The following SRGAP2B variants were observed in gnomAD, a reference collection of about 807,000 sequenced individuals.
SRGAP2B encodes the protein SLIT-ROBO Rho GTPase activating protein 2B, also known as SLIT-ROBO Rho GTPase-activating protein 2B.
Under a neutral mutation model 22.2 loss-of-function variants are expected in SRGAP2B, and 9 were observed. The observed-to-expected ratio is 0.41, with a 90% confidence interval of 0.24 to 0.71. SRGAP2B has a LOEUF of 0.71. Among genes scored for constraint, SRGAP2B ranks in the 30% least tolerant of loss-of-function variants. SRGAP2B has a pLI of 0.35. For missense variants in SRGAP2B, 114 were observed against 235.8 expected (o/e 0.48, Z 3.38); for synonymous variants, 36 against 87.4 (o/e 0.41, Z 3.28).
chr1:144,985,113 C>G (rs587620443), intron 3 of SRGAP2B, among the ~76,000 whole-genome samples: 1,362 of 128,154 alleles, frequency 0.011, 9 homozygotes, highest in Non-Finnish European at 0.015. Flanking sequence ...ATACTTAGTA[C>G]TTACTACATA....
At chr1:144,941,437 T>C (rs1253145023) in intron 4 of SRGAP2B, among the ~76,000 whole-genome samples, 1 of 142,948 alleles carries the variant, frequency 7.0e-6, no homozygotes, top group African/African-American at 2.7e-5. Flanking sequence ...AGTTTCATAT[T>C]GAGTAAATGC....
At chr1:144,931,344 C>T (rs1428771809) in intron 4 of SRGAP2B, among the ~76,000 whole-genome samples, 1 of 149,622 alleles carries the variant, frequency 6.7e-6, no homozygotes, top group Non-Finnish European at 1.5e-5. Flanking sequence ...TCCTTCAATG[C>T]TATTTTGTCT....
chr1:144,948,294 TG>T (rs1270108772), intron 4 of SRGAP2B, among the ~76,000 whole-genome samples: 5 of 150,318 alleles, frequency 3.3e-5, no homozygotes, highest in Non-Finnish European at 7.4e-5. Flanking sequence ...ATCAGCATAA[TG>T]TTTTTTGAGC....
rs1481566273 is a variant in SRGAP2B, at chr1:145,061,731, G to A, written c.67+31104C>T. Among the ~76,000 whole-genome samples, 15 of 148,134 alleles carry A rather than the reference G, an allele frequency of 1.0e-4. 1 individual carries two copies. Among genetic ancestry groups the A allele is most frequent in the Non-Finnish European group, 1.6e-4 (11 of 66,964 alleles). On this transcript the variant is annotated intron_variant, in intron 2 of 9. Transcript: ENST00000612199. ...GCCTCCCGAGTAGCTGGGATTACGGGCACCTGCCACCCACCTAGCTAATTT... is the reference window on the plus strand; with the variant it reads ...GCCTCCCGAGTAGCTGGGATTACGGACACCTGCCACCCACCTAGCTAATTT...
In SRGAP2B at chr1:145,091,236, A is replaced by G. The variant is rs1327693208; in HGVS notation, c.67+1599T>C. On this transcript the variant is annotated intron_variant, in intron 2 of 9. Coordinates refer to ENST00000612199, the Ensembl canonical transcript of SRGAP2B. ...TTAAGAATAGGATGTGTTAAAAAAAAAAAAAAAAAAAAAAGACATATCTGG... is the reference window on the plus strand; with the variant it reads ...TTAAGAATAGGATGTGTTAAAAAAAGAAAAAAAAAAAAAAGACATATCTGG... Among the ~76,000 whole-genome samples the G allele has an allele frequency of 5.0e-5, 3 of 60,040 alleles. 1 individual carries two copies. The highest frequency in any genetic ancestry group is 2.8e-4 in the African/African-American group (2 of 7,250). 39.4% of individuals were successfully genotyped at this position (60,040 alleles called of 152,430 possible).
chr1:144,925,755 G>GAA (rs1664660929), intron 4 of SRGAP2B, among the ~76,000 whole-genome samples: 2 of 140,146 alleles, frequency 1.4e-5, no homozygotes, highest in African/African-American at 5.4e-5. Context: ...AAGAAAGAAA[G>GAA]AAAGAAAGAA....
chr1:145,073,181 A>C (rs1386406889), intron 2 of SRGAP2B, among the ~76,000 whole-genome samples: 4 of 150,462 alleles, frequency 2.7e-5, no homozygotes, highest in Non-Finnish European at 5.9e-5. Flanking sequence ...AAGCTGCAAA[A>C]GGAGGTCAGG....
chr1:145,006,619 A>G (rs1553621118), intron 2 of SRGAP2B, among the ~76,000 whole-genome samples: 1 of 150,560 alleles, frequency 6.6e-6, no homozygotes. Context: ...ATAGATAACC[A>G]TTTATTTTTC....
chr1:145,051,436 CA>C (rs1650175401), intron 2 of SRGAP2B, among the ~76,000 whole-genome samples: 1 of 150,294 alleles, frequency 6.7e-6, no homozygotes, highest in African/African-American at 2.5e-5. Context: ...GAAACACCCC[CA>C]CAGCATGGAG....
intron 2 of SRGAP2B, among the ~76,000 whole-genome samples, chr1:145,020,953 C>A (rs1176164980): frequency 6.7e-6 from 1 of 149,014 alleles, no homozygotes; most frequent in African/African-American, 2.6e-5. Flanking sequence ...GCGTGCGCCA[C>A]CATGCCGGCT....
chr1:144,960,253 C>A (rs1667567096), intron 3 of SRGAP2B, among the ~76,000 whole-genome samples: 1 of 143,552 alleles, frequency 7.0e-6, no homozygotes, highest in Non-Finnish European at 1.5e-5. Context: ...ACACTAATCC[C>A]TAAAAAGCAG....
chr1:145,070,447 A>G (rs1553633234), intron 2 of SRGAP2B, among the ~76,000 whole-genome samples: 13 of 60,852 alleles, frequency 2.1e-4, no homozygotes, highest in Non-Finnish European at 6.5e-5. Flanking sequence ...ATTTGCTGAT[A>G]GGGTGTATTG....
intron 4 of SRGAP2B, among the ~76,000 whole-genome samples, chr1:144,944,823 T>C (rs587607297): frequency 6.9e-6 from 1 of 144,664 alleles, no homozygotes; most frequent in African/African-American, 2.7e-5. Context: ...GTGATTCTCC[T>C]GCCTCAGCCT....
intron 4 of SRGAP2B, among the ~76,000 whole-genome samples, chr1:144,952,859 T>C (rs1218500980): frequency 1.3e-5 from 2 of 150,560 alleles, no homozygotes; most frequent in East Asian, 3.9e-4. Context: ...AGGTTGTTCT[T>C]GAACTTCTGG....
At chr1:144,925,686 T>G (rs1375224894) in intron 4 of SRGAP2B, among the ~76,000 whole-genome samples, 24 of 63,388 alleles carry the variant, frequency 3.8e-4, no homozygotes, top group Admixed American at 1.2e-3. Flanking sequence ...AAGAAAGAAG[T>G]GGGGGGGCAG....
chr1:144,991,126 G>T (rs1172425973), intron 3 of SRGAP2B, among the ~76,000 whole-genome samples: 2 of 151,218 alleles, frequency 1.3e-5, no homozygotes, highest in African/African-American at 2.5e-5. Context: ...GTCTGGTGGG[G>T]ACGTGGAAAG....
intron 4 of SRGAP2B, among the ~76,000 whole-genome samples, chr1:144,915,807 T>A (rs1401891598): frequency 6.6e-6 from 1 of 150,862 alleles, no homozygotes; most frequent in Admixed American, 6.6e-5. Flanking sequence ...AAGTGTTCTA[T>A]GCCAAACCTA....
chr1:145,045,070 A>G (rs868925631), intron 2 of SRGAP2B, among the ~76,000 whole-genome samples: 5 of 144,276 alleles, frequency 3.5e-5, no homozygotes, highest in African/African-American at 1.3e-4. Flanking sequence ...AAACAAAAAA[A>G]AAAGGATCGA....
At chr1:145,058,244 CTA>C (rs1650612939) in intron 2 of SRGAP2B, among the ~76,000 whole-genome samples, 1 of 149,094 alleles carries the variant, frequency 6.7e-6, no homozygotes, top group Non-Finnish European at 1.5e-5. Flanking sequence ...GGGATAGTTG[CTA>C]TGTTTGTTTT....
Sources: allele counts gnomAD v4.1 joint callset (sites outside exome capture counted in the v4.1 genomes callset), GRCh38; gene constraint gnomAD v4.1.1; transcripts MANE v1.5; gene names NCBI Gene and HGNC (gene_info 2026-07-23, HGNC 2026-07-21).